The following THRB variants were observed in gnomAD, a reference collection of about 807,000 sequenced individuals.
THRB encodes thyroid hormone receptor beta.
A neutral mutation model predicts 47.8 loss-of-function variants in THRB; 12 were observed. The observed-to-expected ratio is 0.25, with a 90% CI of 0.16 to 0.41. The LOEUF (loss-of-function observed/expected upper bound fraction) is 0.41. Among genes scored for constraint, THRB ranks in the 10% least tolerant of loss-of-function variants. The pLI, the probability that THRB is intolerant of heterozygous loss-of-function variation, is 1.00. For missense variants in THRB, 348 were observed against 589.2 expected (o/e 0.59, Z 4.24); for synonymous variants, 218 against 212.2 (o/e 1.03, Z -0.24).
intron 2 of THRB, among the ~76,000 whole-genome samples, chr3:24,298,131 G>C (rs1486059668): frequency 1.3e-5 from 2 of 152,092 alleles, no homozygotes; most frequent in African/African-American, 4.8e-5. Flanking sequence ...AAATAGGTCC[G>C]TTAAAGACTA....
At chr3:24,478,128 A>T (rs1695768510) in intron 1 of THRB, among the ~76,000 whole-genome samples, 1 of 152,194 alleles carries the variant, frequency 6.6e-6, no homozygotes, top group Non-Finnish European at 1.5e-5. Flanking sequence ...ATATAGTTAG[A>T]ATTACCAAAC....
At chr3:24,363,942 G>A (rs1023219378) in intron 1 of THRB, among the ~76,000 whole-genome samples, 4 of 152,024 alleles carry the variant, frequency 2.6e-5, no homozygotes, top group Non-Finnish European at 5.9e-5. Context: ...TTTCTTATAT[G>A]AGTCCCAAAT....
chr3:24,397,672 T>G (rs1329440835), intron 1 of THRB, among the ~76,000 whole-genome samples: 1 of 148,562 alleles, frequency 6.7e-6, no homozygotes, highest in East Asian at 2.1e-4. Flanking sequence ...GCTATCTGCC[T>G]CCTGGGTTCA....
chr3:24,194,358 TA>T (rs1209928829), intron 4 of THRB, among the ~76,000 whole-genome samples: 89 of 121,258 alleles, frequency 7.3e-4, no homozygotes, highest in African/African-American at 2.1e-3. Flanking sequence ...TATTTTTTTT[TA>T]AAAAACGAGC....
chr3:24,363,595 C>G (rs1577104056), intron 1 of THRB, among the ~76,000 whole-genome samples: 1 of 151,764 alleles, frequency 6.6e-6, no homozygotes, highest in East Asian at 1.9e-4. Flanking sequence ...TTCTCTAGAT[C>G]AAAAAAAATT....
At chr3:24,137,287 A>T (rs544332085) in intron 8 of THRB, among the ~76,000 whole-genome samples, 4 of 152,356 alleles carry the variant, frequency 2.6e-5, no homozygotes, top group Admixed American at 2.0e-4. Context: ...TTTATTGAGC[A>T]GGTACTGTGG....
chr3:24,332,010 A>C (rs1453760885), intron 2 of THRB, among the ~76,000 whole-genome samples: 1 of 152,100 alleles, frequency 6.6e-6, no homozygotes, highest in Non-Finnish European at 1.5e-5. Flanking sequence ...TGTCTCCGCA[A>C]TGTTCCCTCA....
intron 4 of THRB, among the ~76,000 whole-genome samples, chr3:24,228,609 G>T (rs2047922846): frequency 6.7e-6 from 1 of 148,956 alleles, no homozygotes; most frequent in African/African-American, 2.5e-5. Context: ...CTCCAGCCTG[G>T]GTGACAGAGC....
intron 5 of THRB, among the ~76,000 whole-genome samples, chr3:24,160,723 G>A (rs1331991067): frequency 6.6e-6 from 1 of 152,194 alleles, no homozygotes; most frequent in Non-Finnish European, 1.5e-5. Context: ...GTGGGTGGTA[G>A]GGCGGGAAGC....
At chr3:24,313,804 A>C (rs567852360) in intron 2 of THRB, among the ~76,000 whole-genome samples, 141 of 152,114 alleles carry the variant, frequency 9.3e-4, no homozygotes, top group Middle Eastern at 3.4e-3. Flanking sequence ...AAAAAAAAAA[A>C]CAACTTTAAG....
chr3:24,421,024 A>C (rs2069209863), intron 1 of THRB, among the ~76,000 whole-genome samples: 1 of 152,006 alleles, frequency 6.6e-6, no homozygotes, highest in Non-Finnish European at 1.5e-5. Context: ...AGCCATAAAA[A>C]AGAATGAGGT....
At chr3:24,181,623 G>A (rs966628143) in intron 5 of THRB, among the ~76,000 whole-genome samples, 1 of 152,194 alleles carries the variant, frequency 6.6e-6, no homozygotes, top group Non-Finnish European at 1.5e-5. Flanking sequence ...CAGTGAGATA[G>A]GTGACATTTG....
At chr3:24,377,374 G>C (rs2065369486) in intron 1 of THRB, among the ~76,000 whole-genome samples, 1 of 152,042 alleles carries the variant, frequency 6.6e-6, no homozygotes, top group Admixed American at 6.6e-5. Context: ...ACCCAAGTTG[G>C]GCCAGTGACT....
intron 3 of THRB, among the ~76,000 whole-genome samples, chr3:24,248,223 A>G (rs1269515984): frequency 6.6e-6 from 1 of 152,104 alleles, no homozygotes; most frequent in Non-Finnish European, 1.5e-5. Context: ...GAGTATATAC[A>G]AATGAACTGC....
chr3:24,184,800 G>A (rs1000010244), intron 5 of THRB, among the ~76,000 whole-genome samples: 2 of 152,204 alleles, frequency 1.3e-5, no homozygotes, highest in African/African-American at 4.8e-5. Context: ...AGAGAGCAGA[G>A]ATGGATGGAG....
At chr3:24,157,801 G>A (rs1559475835) in intron 5 of THRB, among the ~76,000 whole-genome samples, 1 of 152,190 alleles carries the variant, frequency 6.6e-6, no homozygotes, top group Non-Finnish European at 1.5e-5. Context: ...AGAGTGTTGG[G>A]ACTACAGGCA....
chr3:24,229,036 A>G, intron 3 of THRB, 35 bp from the exon 4 acceptor site: 3 of 1,208,334 alleles, frequency 2.5e-6, no homozygotes, highest in Non-Finnish European at 3.7e-6. Context: ...ATCACAGATT[A>G]TAATCTGCAT....
intron 5 of THRB, chr3:24,165,317 G>A: frequency 1.3e-6 from 1 of 764,918 alleles, no homozygotes; most frequent in South Asian, 1.3e-5. Context: ...GCCGGCAGCT[G>A]GGTGCACTTC....
At chr3:24,293,026 T>G (rs1274996778) in intron 3 of THRB, among the ~76,000 whole-genome samples, 3 of 151,938 alleles carry the variant, frequency 2.0e-5, no homozygotes, top group Non-Finnish European at 2.9e-5. Context: ...AAGTTTTTGT[T>G]TGTTGCTCAT....
Sources: allele counts gnomAD v4.1 joint callset (sites outside exome capture counted in the v4.1 genomes callset), GRCh38; gene constraint gnomAD v4.1.1; transcripts MANE v1.5; gene names NCBI Gene and HGNC (gene_info 2026-07-23, HGNC 2026-07-21).